TAF2: variants seen among roughly 807,000 people sequenced by gnomAD.
The protein encoded by TAF2 is TATA-box binding protein associated factor 2.
A neutral mutation model predicts 138.5 loss-of-function variants in TAF2; 61 were observed. The ratio of observed to expected loss-of-function variants is 0.44; its 90% CI spans 0.36 to 0.54. The LOEUF (loss-of-function observed/expected upper bound fraction) is 0.54, where lower values mean the gene tolerates loss of function less well. TAF2 is among the 20% of genes least tolerant of loss of function. The probability of loss-of-function intolerance (pLI) is 0.00; values close to 1 mark genes in which losing one functional copy is unlikely to be tolerated. For missense variants in TAF2, 1,090 were observed against 1,427.9 expected (o/e 0.76, Z 3.81); for synonymous variants, 475 against 469.9 (o/e 1.01, Z -0.14).
At chr8:119,791,506 A>T (rs1823428683) in intron 10 of TAF2, 47 bp from the exon 11 acceptor site, 1 of 1,573,290 alleles carries the variant, frequency 6.4e-7, no homozygotes, top group African/African-American at 1.4e-5. Flanking sequence ...TGTGACTATT[A>T]AATAAAAAAT....
At chr8:119,822,396 A>T (rs1371221610) in intron 2 of TAF2, among the ~76,000 whole-genome samples, 2 of 151,582 alleles carry the variant, frequency 1.3e-5, no homozygotes, top group East Asian at 1.9e-4. Flanking sequence ...TTAATTAAAA[A>T]TTTTTTTCTC....
intron 18 of TAF2, among the ~76,000 whole-genome samples, chr8:119,776,832 G>A (rs1349287921): frequency 6.6e-6 from 1 of 152,108 alleles, no homozygotes; most frequent in African/African-American, 2.4e-5. Flanking sequence ...CTCAGTTTGA[G>A]GGTCACTACT....
Position 119,797,825 on chromosome 8 carries a change from G to T in TAF2, c.814C>A (p.Gln272Lys), listed in dbSNP as rs995468267. ...GTATGTTTCAGCAATGGAAGAAGTT[G>T]GGGCAAACAAAAATGAGTAACCTGA... ...MHEVTHFCLP[Q>K]LLPLLKHTTS... is the part of the protein sequence containing the mutation. The change falls in exon 7 of 26, where the codon CAA becomes AAA. Residue 272 changes from glutamine (Q) to lysine (K), a missense_variant. By Grantham distance (53) the Gln-to-Lys change is moderately conservative. Coordinates refer to ENST00000378164, the MANE Select transcript of TAF2 (RefSeq NM_003184.4). 3 of 1,613,336 alleles carry T rather than the reference G, an allele frequency of 1.9e-6. No homozygotes were observed. Among genetic ancestry groups the T allele is most frequent in the African/African-American group, 2.7e-5 (2 of 74,980 alleles).
intron 18 of TAF2, among the ~76,000 whole-genome samples, chr8:119,773,254 T>C (rs1019164918): frequency 6.6e-6 from 1 of 151,524 alleles, no homozygotes; most frequent in African/African-American, 2.4e-5. Flanking sequence ...GCTATTCTTA[T>C]AATACACTAC....
At chr8:119,781,930 C>T (rs1243562674) in intron 16 of TAF2, among the ~76,000 whole-genome samples, 6 of 152,064 alleles carry the variant, frequency 3.9e-5, no homozygotes, top group Non-Finnish European at 8.8e-5. Context: ...TCAAGTGATC[C>T]GCCTGCCTCG....
At chr8:119,788,663 T>C (rs1352736888) in intron 13 of TAF2, 127 bp downstream of exon 13, 5 of 823,000 alleles carry the variant, frequency 6.1e-6, no homozygotes, top group Non-Finnish European at 1.0e-5. Flanking sequence ...ACAAAGTCAA[T>C]GTTTTCTCAA....
intron 6 of TAF2, 124 bp downstream of exon 6, chr8:119,801,670 C>T (rs373307651): frequency 6.9e-5 from 59 of 859,914 alleles, no homozygotes; most frequent in South Asian, 4.2e-4. Context: ...CCCTGTGATC[C>T]GCCCACCTTG....
intron 18 of TAF2, among the ~76,000 whole-genome samples, chr8:119,771,586 TAAAG>T (rs778421239): frequency 3.2e-4 from 48 of 151,806 alleles, no homozygotes; most frequent in Non-Finnish European, 6.3e-4. Context: ...CTGACAATAG[TAAAG>T]AAAGAAAGAA....
In TAF2 at chr8:119,762,549, AGGTGTAACAG is replaced by A; in HGVS notation, c.2414_2423del (p.Ser805LeufsTer5). The A allele has an allele frequency of 6.2e-7, 1 of 1,613,886 alleles. No individual in the cohort carries two copies. The highest frequency in any genetic ancestry group is 8.5e-7 in the Non-Finnish European group (1 of 1,179,886). ...TAACTTCATTATTCACACTGACTGC[AGGTGTAACAG>A]AGTTGGCCAGGGCATCAATCATTTC... is the stretch of plus-strand genomic sequence containing the variant. On this transcript the variant is annotated frameshift_variant, in exon 19 of 26. Transcript: ENST00000378164. LOFTEE classifies it high-confidence loss of function.
intron 1 of TAF2, 21 bp downstream of exon 1, chr8:119,832,461 G>A (rs766957236): frequency 4.3e-6 from 7 of 1,609,880 alleles, no homozygotes; most frequent in African/African-American, 2.7e-5. Context: ...AAGGAAGGAA[G>A]GGAAATGAAA....
At position 119,783,573 on chromosome 8, in the gene TAF2, T is replaced by G; in HGVS notation, c.1920A>C (p.Val640=). 1 of 1,614,162 alleles carries G rather than the reference T, an allele frequency of 6.2e-7. No individual in the cohort carries two copies. The highest frequency in any genetic ancestry group is 1.3e-5 in the African/African-American group (1 of 75,054). ...ACATAAAATCAGCTTGCTCAAATTCTACCTTCCTCAATACTGACATATCTG... is the reference window on the plus strand; with the variant it reads ...ACATAAAATCAGCTTGCTCAAATTCGACCTTCCTCAATACTGACATATCTG... The part of the protein sequence containing the change: ...IDPDMSVLRK[V]EFEQADFMWQ... The change falls in exon 16 of 26, where the codon GTA becomes GTC. Residue 640 remains valine, a synonymous_variant. Transcript: ENST00000378164.
At chr8:119,757,236 G>T (rs551334988) in intron 21 of TAF2, among the ~76,000 whole-genome samples, 1 of 152,040 alleles carries the variant, frequency 6.6e-6, no homozygotes, top group Non-Finnish European at 1.5e-5. Flanking sequence ...ATTTAAGACT[G>T]TGTAAAATAA....
At position 119,813,400 on chromosome 8, in the gene TAF2, T is replaced by A. The variant is rs116649975; in HGVS notation, c.299+5946A>T. 4.5e-3 allele frequency among the ~76,000 whole-genome samples: 678 copies of A among 152,344 alleles called. 6 individuals are homozygous for A. Among genetic ancestry groups the A allele is most frequent in the African/African-American group, 0.014 (584 of 41,586 alleles). On this transcript the variant is annotated intron_variant, in intron 3 of 25. Coordinates refer to ENST00000378164, the MANE Select transcript of TAF2 (RefSeq NM_003184.4). ...AGGTGATTCTCTTGAGGACAGTGGA[T>A]ATTTGGTTTGTGATTTTTAATCCTA...
chr8:119,756,133 A>T lies in TAF2; in HGVS notation c.2769-18T>A. 6.2e-7 allele frequency: 1 copy of T among 1,602,852 alleles called. No homozygotes were observed. The highest frequency in any genetic ancestry group is 2.2e-5 in the East Asian group (1 of 44,648). On this transcript the variant is annotated intron_variant, in intron 21 of 25. Coordinates refer to ENST00000378164, the MANE Select transcript of TAF2 (RefSeq NM_003184.4). ...TCTTATGCCTGAAAGATTAAAAAAA[A>T]TTAAATTTTTGCTGACCTTTTACTG...
intron 18 of TAF2, 143 bp downstream of exon 18, chr8:119,777,876 T>A (rs1385685769): frequency 1.8e-6 from 1 of 559,588 alleles, no homozygotes; most frequent in Non-Finnish European, 3.2e-6. Flanking sequence ...TGTCAAGGAC[T>A]GTGGACAGTC....
chr8:119,810,027 C>A (rs995963328), intron 3 of TAF2, among the ~76,000 whole-genome samples: 1 of 143,014 alleles, frequency 7.0e-6, no homozygotes, highest in Non-Finnish European at 1.5e-5. Flanking sequence ...ACAGTATCTG[C>A]GAGGCACAAC....
chr8:119,762,682 A>G (rs1821149067), intron 18 of TAF2, 74 bp from the exon 19 acceptor site: 1 of 1,362,292 alleles, frequency 7.3e-7, no homozygotes. Flanking sequence ...TAAAATTTGT[A>G]TAATTACATT....
intron 15 of TAF2, 36 bp downstream of exon 15, chr8:119,785,165 A>G: frequency 6.5e-7 from 1 of 1,537,228 alleles, no homozygotes; most frequent in East Asian, 2.3e-5. Context: ...GAATGCAGAA[A>G]GTATTATAAC....
Position 119,803,160 on chromosome 8 carries a change from G to A in TAF2, c.560+718C>T, listed in dbSNP as rs549571279. 2.0e-5 allele frequency among the ~76,000 whole-genome samples: 3 copies of A among 152,212 alleles called. No homozygotes were observed. In the South Asian group the frequency reaches 6.2e-4, roughly 32 times the overall value. ...GTTGAGTAGTAGAATGTGGAGTGGG[G>A]AAGTAGAGTATGAAAGCAGGTGAGA... is the stretch of plus-strand genomic sequence containing the variant. On this transcript the variant is annotated intron_variant, in intron 5 of 25. Coordinates refer to ENST00000378164, the MANE Select transcript of TAF2 (RefSeq NM_003184.4).
Sources: allele counts gnomAD v4.1 joint callset (sites outside exome capture counted in the v4.1 genomes callset), GRCh38; gene constraint gnomAD v4.1.1; transcripts MANE v1.5; gene names NCBI Gene and HGNC (gene_info 2026-07-23, HGNC 2026-07-21).